KATNIP: variants seen among roughly 807,000 people sequenced by gnomAD.
KATNIP encodes katanin-interacting protein.
KATNIP carries 126 observed loss-of-function variants against 174.0 expected under a neutral mutation model. That is an observed-to-expected ratio of 0.72 (90% confidence interval 0.63 to 0.84). KATNIP has a LOEUF of 0.84. Ranked by LOEUF, KATNIP falls within the 40% of genes least tolerant of loss-of-function variation. The probability of loss-of-function intolerance (pLI) is 0.00; values close to 1 mark genes in which losing one functional copy is unlikely to be tolerated. For missense variants in KATNIP, 1,958 were observed against 2,109.7 expected (o/e 0.93, Z 1.41); for synonymous variants, 810 against 835.7 (o/e 0.97, Z 0.53).
chr16:27,778,707 C>A lies in KATNIP; in HGVS notation c.*78C>A. ...CCCCACTCAGTGCCTGCGTCCCTCA[C>A]CCTCAGTCCCAGGAGCTGGAAGCGA... On this transcript the variant is annotated 3_prime_UTR_variant, in exon 28 of 28. Transcript: ENST00000261588. The A allele has an allele frequency of 7.0e-7, 1 of 1,424,526 alleles. No homozygotes were observed. 88.2% of individuals were successfully genotyped at this position (1,424,526 alleles called of 1,614,324 possible).
chr16:27,682,718 G>T (rs1471628513), intron 8 of KATNIP, among the ~76,000 whole-genome samples: 1 of 152,176 alleles, frequency 6.6e-6, no homozygotes. Flanking sequence ...GGCATGGTTT[G>T]AATATTTGCC....
At chr16:27,713,774 T>C (rs1363795675) in intron 13 of KATNIP, among the ~76,000 whole-genome samples, 322 of 25,048 alleles carry the variant, frequency 0.013, 11 homozygotes, top group African/African-American at 0.032. Flanking sequence ...TATGTATATA[T>C]ACACATATTA....
At chr16:27,769,733 G>C in intron 20 of KATNIP, 128 bp from the exon 21 acceptor site, 2 of 1,085,758 alleles carry the variant, frequency 1.8e-6, no homozygotes, top group Non-Finnish European at 2.7e-6. Flanking sequence ...AATGGACCTC[G>C]GTCAGGTGGC....
intron 8 of KATNIP, among the ~76,000 whole-genome samples, chr16:27,683,353 C>T (rs1195811520): frequency 6.6e-6 from 1 of 152,200 alleles, no homozygotes; most frequent in African/African-American, 2.4e-5. Context: ...TATCATCTCA[C>T]AGTTCTCGAG....
Position 27,699,732 on chromosome 16 carries a change from C to G in KATNIP, c.1179+133C>G, listed in dbSNP as rs574705547. On this transcript the variant is annotated intron_variant, in intron 10 of 27. Coordinates refer to ENST00000261588, the MANE Select transcript of KATNIP (RefSeq NM_015202.5). Reference sequence around the variant, plus strand: ...ATGGCCTCCAGGGCGCTTTCCTTCACACTGTCCTACCAGGTCCTCACTGTG... The same window carrying G: ...ATGGCCTCCAGGGCGCTTTCCTTCAGACTGTCCTACCAGGTCCTCACTGTG... 1.6e-4 allele frequency: 186 copies of G among 1,176,652 alleles called. 1 individual carries two copies. In the Middle Eastern group the frequency reaches 3.1e-3, roughly 20 times the overall value. The allele number at this position is 1,176,652 out of a possible 1,614,324, so 72.9% of individuals were successfully genotyped here.
chr16:27,751,562 T>G (rs1423103478), intron 16 of KATNIP, among the ~76,000 whole-genome samples, 157 bp from the exon 17 acceptor site: 1 of 152,198 alleles, frequency 6.6e-6, no homozygotes, highest in Non-Finnish European at 1.5e-5. Context: ...TGCATTCCAT[T>G]TGCAAATCTG....
chr16:27,652,617 A>G (rs899117087), intron 6 of KATNIP, among the ~76,000 whole-genome samples: 4 of 152,128 alleles, frequency 2.6e-5, no homozygotes, highest in African/African-American at 9.7e-5. Context: ...GTTCGAGACC[A>G]GCCTGACCAA....
At chr16:27,686,782 C>T (rs2078540698) in intron 8 of KATNIP, among the ~76,000 whole-genome samples, 1 of 152,050 alleles carries the variant, frequency 6.6e-6, no homozygotes, top group Non-Finnish European at 1.5e-5. Context: ...CCAGAGATTA[C>T]AACATGCATT....
At chr16:27,727,609 G>A (rs1261391782) in intron 14 of KATNIP, 1 of 152,276 alleles carries the variant, frequency 6.6e-6, no homozygotes, top group East Asian at 1.9e-4. Context: ...GGATGAGGGT[G>A]TCAGTGCTCT....
rs2077599226 is a variant in KATNIP, at chr16:27,663,759, A to G, written c.541-13970A>G. Among the ~76,000 whole-genome samples the G allele has an allele frequency of 4.6e-5, 7 of 151,136 alleles. No homozygotes were observed. The South Asian group carries it at 1.5e-3, about 32-fold the overall frequency. ...CAGGCGTGAGCCACTGTACCTGGCCATTTATTTCTAATTGGCTTATTAGTT... is the reference window on the plus strand; with the variant it reads ...CAGGCGTGAGCCACTGTACCTGGCCGTTTATTTCTAATTGGCTTATTAGTT... On this transcript the variant is annotated intron_variant, in intron 6 of 27. Transcript: ENST00000261588.
intron 2 of KATNIP, among the ~76,000 whole-genome samples, chr16:27,582,053 A>G (rs2090719973): frequency 1.3e-5 from 2 of 152,160 alleles, no homozygotes; most frequent in Non-Finnish European, 2.9e-5. Flanking sequence ...CGATTTCTGC[A>G]AGCCATCTCT....
intron 5 of KATNIP, among the ~76,000 whole-genome samples, chr16:27,646,005 T>G (rs1411407242): frequency 2.0e-5 from 3 of 152,010 alleles, no homozygotes; most frequent in African/African-American, 7.2e-5. Flanking sequence ...CAAAGCTAGG[T>G]AGGGTTTGGA....
intron 6 of KATNIP, among the ~76,000 whole-genome samples, chr16:27,677,470 C>A (rs772489987): frequency 3.9e-5 from 6 of 152,010 alleles, no homozygotes; most frequent in Non-Finnish European, 7.4e-5. Flanking sequence ...GCACTCCCCC[C>A]CACCCCACCT....
intron 8 of KATNIP, among the ~76,000 whole-genome samples, chr16:27,691,178 G>A (rs1388018019): frequency 6.6e-6 from 1 of 152,166 alleles, no homozygotes; most frequent in Non-Finnish European, 1.5e-5. Flanking sequence ...AGCTTTTCAA[G>A]TCACAGCTGG....
chr16:27,697,755 T>A (rs2078965239), intron 8 of KATNIP, among the ~76,000 whole-genome samples: 1 of 152,080 alleles, frequency 6.6e-6, no homozygotes, highest in Non-Finnish European at 1.5e-5. Context: ...GAGATGAAGT[T>A]GCAGACATCA....
At chr16:27,741,027 A>C in intron 15 of KATNIP, 107 bp downstream of exon 15, 2 of 1,169,382 alleles carry the variant, frequency 1.7e-6, no homozygotes, top group Non-Finnish European at 2.4e-6. Context: ...GCACAACAAG[A>C]TGGTTGTTCT....
intron 14 of KATNIP, among the ~76,000 whole-genome samples, chr16:27,736,736 C>T (rs67382222): frequency 0.17 from 25,931 of 152,090 alleles, 2,438 homozygotes; most frequent in African/African-American, 0.24. Context: ...AGGAGGCTCC[C>T]ATGATCTGAT....
intron 13 of KATNIP, among the ~76,000 whole-genome samples, chr16:27,709,559 G>A (rs2079479989): frequency 6.6e-6 from 1 of 152,130 alleles, no homozygotes; most frequent in Admixed American, 6.5e-5. Context: ...GGAGGCAGAG[G>A]TTACAGTAAG....
intron 6 of KATNIP, among the ~76,000 whole-genome samples, chr16:27,659,248 C>T (rs1322661020): frequency 6.6e-6 from 1 of 152,074 alleles, no homozygotes; most frequent in Non-Finnish European, 1.5e-5. Flanking sequence ...CTCAGTGACT[C>T]ATGCCTGTAA....
Sources: allele counts gnomAD v4.1 joint callset (sites outside exome capture counted in the v4.1 genomes callset), GRCh38; gene constraint gnomAD v4.1.1; transcripts MANE v1.5; gene names NCBI Gene and HGNC (gene_info 2026-07-23, HGNC 2026-07-21).